MATN2: variants seen among roughly 807,000 people sequenced by gnomAD.
MATN2 encodes the protein matrilin-2.
Under a neutral mutation model 103.2 loss-of-function variants are expected in MATN2, and 69 were observed. The observed-to-expected ratio is 0.67, with a 90% CI of 0.55 to 0.82. The LOEUF is 0.82. Ranked by LOEUF, MATN2 falls within the 40% of genes least tolerant of loss-of-function variation. The pLI is 0.00. For synonymous variants in MATN2, 429 were observed against 450.2 expected (o/e 0.95, Z 0.60); for missense variants, 1,023 against 1,211.5 (o/e 0.84, Z 2.31).
chr8:97,920,135 T>C (rs555902834), intron 2 of MATN2, among the ~76,000 whole-genome samples: 1 of 152,204 alleles, frequency 6.6e-6, no homozygotes, highest in East Asian at 1.9e-4. Flanking sequence ...ACCCTTGGGA[T>C]GGTGGCTTTT....
At chr8:97,976,626 T>G (rs1464415806) in intron 5 of MATN2, among the ~76,000 whole-genome samples, 1 of 152,202 alleles carries the variant, frequency 6.6e-6, no homozygotes, top group East Asian at 1.9e-4. Context: ...GATATTAATA[T>G]AATCCTAAAA....
chr8:97,963,850 T>A (rs1471744246), intron 5 of MATN2, among the ~76,000 whole-genome samples: 6 of 152,154 alleles, frequency 3.9e-5, no homozygotes, highest in Non-Finnish European at 5.9e-5. Context: ...GGGAGTGAGA[T>A]GATTAAGCAG....
In MATN2 at chr8:98,007,636, G is replaced by A; in HGVS notation, c.1573+35G>A. The A allele has an allele frequency of 6.3e-7, 1 of 1,587,626 alleles. No individual in the cohort carries two copies. Among genetic ancestry groups the A allele is most frequent in the South Asian group, 1.1e-5 (1 of 89,814 alleles). On this transcript the variant is annotated intron_variant, in intron 10 of 18. Transcript: ENST00000254898. This position sits in a 1 kb window ranked among gnomAD's most constrained non-coding sequence, Gnocchi z 4.2. ...TGAAGGACAAGCAGGACCTGCACAG[G>A]TGTTCCGTGGGTGCCGGTGTGGGTG...
chr8:97,908,583 T>TGTTTG (rs1819257955), intron 2 of MATN2, among the ~76,000 whole-genome samples: 4 of 152,242 alleles, frequency 2.6e-5, no homozygotes, highest in African/African-American at 9.6e-5. Flanking sequence ...TTTATTTACC[T>TGTTTG]ATTTGACCAT....
At chr8:97,993,187 C>T (rs578229760) in intron 6 of MATN2, among the ~76,000 whole-genome samples, 1 of 152,264 alleles carries the variant, frequency 6.6e-6, no homozygotes, top group African/African-American at 2.4e-5. Flanking sequence ...TCTCACTCAA[C>T]ATTTTTTCCT....
intron 6 of MATN2, among the ~76,000 whole-genome samples, chr8:97,979,235 G>A (rs894116127): frequency 8.5e-5 from 13 of 152,156 alleles, no homozygotes; most frequent in Non-Finnish European, 1.9e-4. Flanking sequence ...GGCACCATGT[G>A]TAGGACTGTT....
chr8:97,951,962 G>A (rs1288944408), intron 4 of MATN2: 2 of 152,194 alleles, frequency 1.3e-5, no homozygotes, highest in African/African-American at 4.8e-5. Flanking sequence ...CAGTGACATT[G>A]GGTTTGTTTT....
chr8:98,011,963 T>C (rs186770603), intron 10 of MATN2, among the ~76,000 whole-genome samples: 12 of 152,330 alleles, frequency 7.9e-5, no homozygotes, highest in Non-Finnish European at 4.4e-5. Flanking sequence ...CCATTCACGA[T>C]GAGGGTTTAA....
intron 2 of MATN2, among the ~76,000 whole-genome samples, chr8:97,925,605 T>C (rs1328069651): frequency 1.3e-5 from 2 of 152,190 alleles, no homozygotes; most frequent in African/African-American, 4.8e-5. Context: ...ATATTAGCTA[T>C]AAATTACGAT....
chr8:98,002,919 C>T (rs1356291884), intron 7 of MATN2, among the ~76,000 whole-genome samples: 2 of 152,132 alleles, frequency 1.3e-5, no homozygotes, highest in African/African-American at 4.8e-5. Context: ...AGAGCCTTCA[C>T]TGATCCATCC....
chr8:98,004,061 C>A, intron 8 of MATN2: 1 of 349,858 alleles, frequency 2.9e-6, no homozygotes. Flanking sequence ...CCAAGGCGGG[C>A]AGATCACCTG....
chr8:98,034,375 A>G, intron 18 of MATN2: 1 of 343,084 alleles, frequency 2.9e-6, no homozygotes, highest in Non-Finnish European at 5.8e-6. Flanking sequence ...AAGCTGGCTG[A>G]TATCTCAAGT....
intron 14 of MATN2, among the ~76,000 whole-genome samples, chr8:98,028,812 C>T (rs961241373): frequency 2.0e-5 from 3 of 152,176 alleles, no homozygotes; most frequent in Non-Finnish European, 4.4e-5. Flanking sequence ...TGGTCTCGAT[C>T]TCCTGACCTC....
chr8:98,008,872 T>C (rs1813064823), intron 10 of MATN2, among the ~76,000 whole-genome samples: 1 of 152,196 alleles, frequency 6.6e-6, no homozygotes, highest in African/African-American at 2.4e-5. Flanking sequence ...TACAAGATGG[T>C]TGTAGGACCC....
intron 4 of MATN2, among the ~76,000 whole-genome samples, chr8:97,947,226 C>T (rs1427895551): frequency 2.0e-5 from 3 of 151,928 alleles, no homozygotes; most frequent in South Asian, 4.2e-4. Flanking sequence ...ACAAAAATTA[C>T]CCTGGTGTGG....
rs1038181583 is a variant in MATN2, at chr8:97,941,966, T to C, written c.835+67T>C. ...CCCTCATCCTCTCCCTTCTTTTATCTGGGCTCATTTTATTCATCTGTGATG... is the reference window on the plus strand; with the variant it reads ...CCCTCATCCTCTCCCTTCTTTTATCCGGGCTCATTTTATTCATCTGTGATG... On this transcript the variant is annotated intron_variant, in intron 4 of 18. Coordinates refer to ENST00000254898, the MANE Select transcript of MATN2 (RefSeq NM_002380.5). 20 of 1,576,368 alleles carry C rather than the reference T, an allele frequency of 1.3e-5. No individual in the cohort carries two copies. In the African/African-American group the frequency reaches 2.7e-4, roughly 21 times the overall value.
chr8:97,892,415 CAAAAA>C (rs35181049), intron 2 of MATN2, among the ~76,000 whole-genome samples: 115 of 78,016 alleles, frequency 1.5e-3, no homozygotes, highest in Non-Finnish European at 1.9e-3. Context: ...GACCCTGTCT[CAAAAA>C]AAAAAAAAAA....
chr8:97,994,074 A>G (rs936441689), intron 6 of MATN2, among the ~76,000 whole-genome samples: 1 of 149,808 alleles, frequency 6.7e-6, no homozygotes, highest in African/African-American at 2.5e-5. Context: ...GAAAGAAAGA[A>G]AAAGAAAGAA....
intron 10 of MATN2, among the ~76,000 whole-genome samples, chr8:98,011,196 A>G (rs1813146688): frequency 6.6e-6 from 1 of 152,152 alleles, no homozygotes; most frequent in African/African-American, 2.4e-5. Context: ...TAAGAACACT[A>G]ATCCTATCAG....
Sources: gnomAD v4.1 joint callset for allele counts (sites outside exome capture counted in the v4.1 genomes callset) on GRCh38, gnomAD v4.1.1 for gene constraint, Gnocchi (gnomAD v3.1) non-coding constraint, MANE v1.5 for transcripts, NCBI Gene and HGNC (gene_info 2026-07-23, HGNC 2026-07-21) for gene names.